The following ITCH variants were observed in gnomAD, a reference collection of about 807,000 sequenced individuals.
The protein encoded by ITCH is E3 ubiquitin-protein ligase Itchy homolog.
ITCH carries 28 observed loss-of-function variants against 126.8 expected under a neutral mutation model. The observed-to-expected ratio is 0.22, with a 90% CI of 0.16 to 0.30. ITCH has a LOEUF of 0.30. Among genes scored for constraint, ITCH ranks in the 10% least tolerant of loss-of-function variants. The pLI is 1.00. For missense variants in ITCH, 631 were observed against 1,032.4 expected (o/e 0.61, Z 5.33); for synonymous variants, 342 against 340.0 (o/e 1.01, Z -0.06).
intron 20 of ITCH, among the ~76,000 whole-genome samples, chr20:34,486,785 A>C (rs992772533): frequency 6.9e-6 from 1 of 144,494 alleles, no homozygotes; most frequent in African/African-American, 2.6e-5. Flanking sequence ...GCAGCGTCCA[A>C]TTCCAGAAGT....
chr20:34,458,212 G>A (rs984161048), intron 13 of ITCH, among the ~76,000 whole-genome samples: 2 of 152,134 alleles, frequency 1.3e-5, no homozygotes, highest in East Asian at 3.9e-4. Context: ...GATTAAGAAT[G>A]CCTAGGAGTT....
intron 6 of ITCH, among the ~76,000 whole-genome samples, chr20:34,418,332 A>G (rs1238440574): frequency 6.6e-6 from 1 of 151,902 alleles, no homozygotes; most frequent in Non-Finnish European, 1.5e-5. Flanking sequence ...TATCATGTAT[A>G]CTCTGGATGT....
At chr20:34,496,127 CT>C (rs1225024213) in intron 23 of ITCH, among the ~76,000 whole-genome samples, 1 of 151,920 alleles carries the variant, frequency 6.6e-6, no homozygotes, top group African/African-American at 2.4e-5. Context: ...AAGAGTTCCT[CT>C]TTTTCCACAT....
In ITCH at chr20:34,509,607, A is replaced by G. The variant is rs917764283; in HGVS notation, c.*1813A>G. On this transcript the variant is annotated 3_prime_UTR_variant, in exon 25 of 25. Coordinates refer to ENST00000374864, the MANE Select transcript of ITCH (RefSeq NM_031483.7). ...GGGAGGCTAGGCTCTCCCCAGCCCT[A>G]TGGTTTTTTTATTTCATGTACCCCA... 2.0e-5 allele frequency: 3 copies of G among 152,466 alleles called. No individual in the cohort carries two copies. Among genetic ancestry groups the G allele is most frequent in the Non-Finnish European group, 2.9e-5 (2 of 67,972 alleles). The allele number at this position is 152,466 out of a possible 1,614,324, so 9.4% of individuals were successfully genotyped here. A position where few individuals can be genotyped will look rare whatever the true frequency, so the allele number is the denominator to read the frequency against.
intron 4 of ITCH, among the ~76,000 whole-genome samples, chr20:34,411,394 T>C (rs977469935): frequency 6.6e-6 from 1 of 152,130 alleles, no homozygotes; most frequent in Admixed American, 6.6e-5. Flanking sequence ...CCTCAAATAA[T>C]CCTCCCACCT....
At chr20:34,417,126 C>T (rs1363501401) in intron 6 of ITCH, 81 of 658,400 alleles carry the variant, frequency 1.2e-4, no homozygotes, top group Non-Finnish European at 2.0e-4. Flanking sequence ...GATGGGGTTT[C>T]GCTCTGTTTG....
At chr20:34,474,640 G>A (rs534112047) in intron 16 of ITCH, among the ~76,000 whole-genome samples, 1 of 152,062 alleles carries the variant, frequency 6.6e-6, no homozygotes, top group Non-Finnish European at 1.5e-5. Flanking sequence ...CCACAAAACC[G>A]CCATTGTCAT....
intron 23 of ITCH, among the ~76,000 whole-genome samples, chr20:34,494,413 G>A (rs1004889577): frequency 2.6e-5 from 4 of 152,190 alleles, no homozygotes; most frequent in African/African-American, 7.2e-5. Context: ...CAGAAACAGT[G>A]AGATTGTGGT....
At chr20:34,457,633 T>C (rs1429821039) in intron 13 of ITCH, among the ~76,000 whole-genome samples, 159 bp downstream of exon 13, 2 of 152,254 alleles carry the variant, frequency 1.3e-5, no homozygotes, top group Non-Finnish European at 1.5e-5. Flanking sequence ...TTTCATCTAA[T>C]GGAAAGTTTG....
At chr20:34,365,143 T>C (rs1568843503) in intron 1 of ITCH, among the ~76,000 whole-genome samples, 1 of 151,668 alleles carries the variant, frequency 6.6e-6, no homozygotes, top group Non-Finnish European at 1.5e-5. Flanking sequence ...GAGGCTGCGG[T>C]GAGCTGTTAC....
At chr20:34,487,247 C>T (rs1198858565) in intron 20 of ITCH, among the ~76,000 whole-genome samples, 4 of 151,338 alleles carry the variant, frequency 2.6e-5, no homozygotes, top group African/African-American at 2.4e-5. Context: ...CTCCTGACCT[C>T]GTGATCCCCT....
At chr20:34,400,840 C>G (rs2038857815) in intron 3 of ITCH, among the ~76,000 whole-genome samples, 1 of 151,804 alleles carries the variant, frequency 6.6e-6, no homozygotes, top group Non-Finnish European at 1.5e-5. Context: ...TCACTGCAAC[C>G]TCCGCCTCCC....
chr20:34,466,030 G>A (rs1003838194), intron 14 of ITCH, among the ~76,000 whole-genome samples: 2 of 152,038 alleles, frequency 1.3e-5, no homozygotes, highest in Non-Finnish European at 2.9e-5. Flanking sequence ...TGTGATGTTT[G>A]CTGTTAGATT....
chr20:34,385,279 T>G (rs1447386094), intron 2 of ITCH, among the ~76,000 whole-genome samples: 1 of 145,088 alleles, frequency 6.9e-6, no homozygotes, highest in African/African-American at 2.6e-5. Context: ...GCCAGGCTGG[T>G]CTCGAACTCC....
intron 2 of ITCH, among the ~76,000 whole-genome samples, chr20:34,393,442 A>T (rs975424208): frequency 2.6e-5 from 4 of 151,944 alleles, no homozygotes; most frequent in African/African-American, 9.7e-5. Flanking sequence ...GTGTAGATAG[A>T]ATAGGGAACC....
intron 20 of ITCH, among the ~76,000 whole-genome samples, chr20:34,484,614 A>G (rs1354021383): frequency 6.6e-6 from 1 of 152,232 alleles, no homozygotes; most frequent in Admixed American, 6.5e-5. Context: ...ACATTTTAAG[A>G]TAATGGGCAG....
At chr20:34,378,471 CAAAAAAAAAA>C (rs35400213) in intron 2 of ITCH, among the ~76,000 whole-genome samples, 1 of 48,688 alleles carries the variant, frequency 2.1e-5, no homozygotes, top group East Asian at 7.1e-4. Flanking sequence ...AACTCTGTCT[CAAAAAAAAAA>C]AAAAAAAAAA....
chr20:34,475,854 C>T, intron 16 of ITCH: 1 of 844,992 alleles, frequency 1.2e-6, no homozygotes, highest in South Asian at 1.4e-5. Context: ...TCCATGTACT[C>T]ATTTTATCAC....
intron 6 of ITCH, among the ~76,000 whole-genome samples, chr20:34,416,894 C>T (rs929784965): frequency 6.8e-6 from 1 of 148,096 alleles, no homozygotes; most frequent in Non-Finnish European, 1.5e-5. Context: ...AAGAGGTCTT[C>T]CTAGACCTCT....
Sources: allele counts gnomAD v4.1 joint callset (sites outside exome capture counted in the v4.1 genomes callset), GRCh38; gene constraint gnomAD v4.1.1; transcripts MANE v1.5; gene names NCBI Gene and HGNC (gene_info 2026-07-23, HGNC 2026-07-21).